The following C2CD2 variants were observed in gnomAD, a reference collection of about 807,000 sequenced individuals.
The protein encoded by C2CD2 is C2 calcium dependent domain containing 2.
In C2CD2, 43 loss-of-function variants were observed where a neutral mutation model predicts 74.3. That is an observed-to-expected ratio of 0.58 (90% confidence interval 0.45 to 0.75). The LOEUF is 0.75. C2CD2 is among the 30% of genes least tolerant of loss of function. C2CD2 has a pLI of 0.00. For missense variants in C2CD2, 801 were observed against 916.3 expected (o/e 0.87, Z 1.63); for synonymous variants, 422 against 390.7 (o/e 1.08, Z -0.94).
chr21:41,913,743 G>A (rs1017818533), intron 6 of C2CD2, among the ~76,000 whole-genome samples: 1 of 152,150 alleles, frequency 6.6e-6, no homozygotes, highest in East Asian at 1.9e-4. Context: ...TCCTGTTCTT[G>A]GCAAAATGGA....
intron 9 of C2CD2, among the ~76,000 whole-genome samples, chr21:41,907,394 A>G (rs2064975680): frequency 6.6e-6 from 1 of 152,244 alleles, no homozygotes; most frequent in South Asian, 2.1e-4. Context: ...TGGGGAACCA[A>G]GCAAAACTTT....
At chr21:41,914,787 A>G (rs3746908) in intron 5 of C2CD2, 66 bp from the exon 6 acceptor site, 1,431,900 of 1,468,326 alleles carry the variant, frequency 0.98, 701,139 homozygotes, top group Non-Finnish European at 1. Flanking sequence ...GGAAGTAGCC[A>G]CTGGACTCCT....
chr21:41,920,949 T>C (rs1039833882), intron 3 of C2CD2, among the ~76,000 whole-genome samples: 1 of 152,202 alleles, frequency 6.6e-6, no homozygotes, highest in African/African-American at 2.4e-5. Flanking sequence ...CCAAAACATC[T>C]GGGGGATGTA....
At chr21:41,898,218 A>T (rs1167726039) in intron 13 of C2CD2, among the ~76,000 whole-genome samples, 2 of 152,202 alleles carry the variant, frequency 1.3e-5, no homozygotes, top group African/African-American at 4.8e-5. Context: ...ACCTGAGCTC[A>T]CGGCTTGGCC....
chr21:41,947,129 T>C (rs1205466002), intron 1 of C2CD2, among the ~76,000 whole-genome samples: 19 of 106,594 alleles, frequency 1.8e-4, no homozygotes, highest in Non-Finnish European at 3.3e-4. Context: ...TCTCTCTCTC[T>C]CTCTCTCTCT....
intron 9 of C2CD2, among the ~76,000 whole-genome samples, 173 bp downstream of exon 9, chr21:41,907,487 C>CAG (rs537690368): frequency 1.3e-5 from 2 of 152,360 alleles, no homozygotes; most frequent in Middle Eastern, 3.4e-3. Flanking sequence ...GTACAGTGGA[C>CAG]AGAACGTGCT....
At chr21:41,909,655 A>C (rs2065003877) in intron 7 of C2CD2, 132 bp from the exon 8 acceptor site, 2 of 709,598 alleles carry the variant, frequency 2.8e-6, no homozygotes, top group Admixed American at 4.2e-5. Flanking sequence ...AAGACATATA[A>C]GCAAAAAAAG....
At chr21:41,933,264 T>TC (rs1231595103) in intron 2 of C2CD2, among the ~76,000 whole-genome samples, 5 of 149,920 alleles carry the variant, frequency 3.3e-5, no homozygotes, top group African/African-American at 1.2e-4. Context: ...GTTACAGTTT[T>TC]TTTTTTTCCT....
At chr21:41,919,137 CAT>C in intron 3 of C2CD2, 177 bp from the exon 4 acceptor site, 2 of 606,596 alleles carry the variant, frequency 3.3e-6, no homozygotes. Context: ...TGCATATGAG[CAT>C]GTGTGCTCAT....
intron 11 of C2CD2, among the ~76,000 whole-genome samples, chr21:41,904,244 T>C (rs2064933958): frequency 6.6e-6 from 1 of 152,128 alleles, no homozygotes; most frequent in African/African-American, 2.4e-5. Context: ...ACCATGACAG[T>C]TTGCAACTGC....
In C2CD2 at chr21:41,923,004, T is replaced by C. The variant is rs2065172083; in HGVS notation, c.379-919A>G. On this transcript the variant is annotated intron_variant, in intron 2 of 13. Coordinates refer to ENST00000380486, the MANE Select transcript of C2CD2 (RefSeq NM_015500.2). This position sits in a 1 kb window ranked among gnomAD's most constrained non-coding sequence, Gnocchi z 5.8. ...CATGTAATACAGTCTTTTTCCTTTT[T>C]TTTTTTTTGGAGATGGAGTTTCACT... 6.6e-6 allele frequency among the ~76,000 whole-genome samples: 1 copy of C among 151,990 alleles called. No individual in the cohort carries two copies.
intron 13 of C2CD2, among the ~76,000 whole-genome samples, chr21:41,897,916 CT>C (rs888913898): frequency 2.9e-4 from 44 of 152,326 alleles, no homozygotes; most frequent in African/African-American, 1.0e-3. Flanking sequence ...AGTGGCATCC[CT>C]GGCCTCTATT....
chr21:41,948,867 C>CTTTTT (rs2065424037), intron 1 of C2CD2, among the ~76,000 whole-genome samples: 1 of 36,824 alleles, frequency 2.7e-5, no homozygotes, highest in African/African-American at 6.2e-5. Flanking sequence ...GTCCACACAG[C>CTTTTT]ATCTTTTTTT....
chr21:41,911,643 C>G (rs1311662700), intron 7 of C2CD2, among the ~76,000 whole-genome samples: 1 of 151,806 alleles, frequency 6.6e-6, no homozygotes, highest in East Asian at 1.9e-4. Context: ...CCACCTCAGC[C>G]TCCCAAAGTA....
At chr21:41,905,611 C>T (rs902190434) in intron 11 of C2CD2, 113 bp downstream of exon 11, 3 of 620,862 alleles carry the variant, frequency 4.8e-6, no homozygotes, top group Admixed American at 6.2e-5. Context: ...AGCCACCACA[C>T]CAGGCCCAAA....
Position 41,907,913 on chromosome 21 carries a change from A to ACGTT in C2CD2, c.1019-133_1019-130dup, listed in dbSNP as rs1409400891. On this transcript the variant is annotated intron_variant, in intron 8 of 13. Coordinates refer to ENST00000380486, the MANE Select transcript of C2CD2 (RefSeq NM_015500.2). Reference sequence around the variant, plus strand: ...GCATCCAGCCCACGGGGAAGTGCTCACGTTTCAGAATGTTTGAAAAATGTC... The same window carrying ACGTT: ...GCATCCAGCCCACGGGGAAGTGCTCACGTTCGTTTCAGAATGTTTGAAAAATGTC... 16 of 910,260 alleles carry ACGTT rather than the reference A, an allele frequency of 1.8e-5. No individual in the cohort carries two copies. The African/African-American group carries it at 2.5e-4, about 14-fold the overall frequency. 56.4% of individuals were successfully genotyped at this position (910,260 alleles called of 1,614,324 possible).
intron 2 of C2CD2, among the ~76,000 whole-genome samples, chr21:41,940,556 A>T (rs1170660340): frequency 6.6e-6 from 1 of 152,208 alleles, no homozygotes; most frequent in African/African-American, 2.4e-5. Context: ...ACGGAGCCAT[A>T]AAGATCATAC....
At chr21:41,917,959 A>G (rs1461023463) in intron 5 of C2CD2, 146 bp downstream of exon 5, 47 of 850,930 alleles carry the variant, frequency 5.5e-5, no homozygotes, top group Non-Finnish European at 3.7e-6. Context: ...CACATCCACC[A>G]TCATGATCTC....
intron 1 of C2CD2, among the ~76,000 whole-genome samples, chr21:41,952,291 CTTTTTT>C (rs2065456491): frequency 6.6e-6 from 1 of 152,182 alleles, no homozygotes; most frequent in Non-Finnish European, 1.5e-5. Context: ...ATAGTCAAAG[CTTTTTT>C]GTTTTTTAAT....
Sources: gnomAD v4.1 joint callset for allele counts (sites outside exome capture counted in the v4.1 genomes callset) on GRCh38, gnomAD v4.1.1 for gene constraint, Gnocchi (gnomAD v3.1) non-coding constraint, MANE v1.5 for transcripts, NCBI Gene and HGNC (gene_info 2026-07-23, HGNC 2026-07-21) for gene names.